Variants in BTBD7 observed in about 807,000 individuals in gnomAD.
BTBD7 encodes the protein BTB domain containing 7, also known as BTB/POZ domain-containing protein 7.
A neutral mutation model predicts 99.9 loss-of-function variants in BTBD7; 38 were observed. The ratio of observed to expected loss-of-function variants is 0.38; its 90% CI spans 0.29 to 0.50. The LOEUF (loss-of-function observed/expected upper bound fraction) is 0.50, where lower values mean the gene tolerates loss of function less well. BTBD7 is among the 20% of genes least tolerant of loss of function. The pLI is 0.93. For synonymous variants in BTBD7, 520 were observed against 511.4 expected, an observed-to-expected ratio of 1.02 and a Z score of -0.23; for missense variants, 1,170 against 1,394.6, an observed-to-expected ratio of 0.84 and a Z score of 2.57.
rs548220721 is a variant in BTBD7 at position 93,257,018 on chromosome 14, G to C, written c.1608+177C>G. On this transcript the variant is annotated intron_variant, in intron 6 of 10. Transcript: ENST00000334746. Reference sequence around the variant, plus strand: ...CTCTCATTCACTGAACATTTTAACTGTATTATGTGGAAGACACAGGAGATA... The same window carrying C: ...CTCTCATTCACTGAACATTTTAACTCTATTATGTGGAAGACACAGGAGATA... 1.2e-4 allele frequency: 76 copies of C among 614,124 alleles called. No individual in the cohort carries two copies. In the South Asian group the frequency reaches 1.9e-3, roughly 15 times the overall value. The allele number at this position is 614,124 out of a possible 1,614,324, so 38.0% of individuals were successfully genotyped here.
intron 3 of BTBD7, chr14:93,288,365 C>A (rs886666161): frequency 1.6e-6 from 1 of 612,032 alleles, no homozygotes; most frequent in Non-Finnish European, 2.9e-6. Flanking sequence ...TCTAGATTTC[C>A]TCAACTGTAC....
intron 3 of BTBD7, among the ~76,000 whole-genome samples, chr14:93,275,017 G>T (rs1455885109): frequency 6.6e-6 from 1 of 152,180 alleles, no homozygotes; most frequent in African/African-American, 2.4e-5. Context: ...GGTAGAAAAA[G>T]AAGTAGGCAA....
chr14:93,249,168 G>A (rs2052344625), intron 8 of BTBD7, among the ~76,000 whole-genome samples: 1 of 151,488 alleles, frequency 6.6e-6, no homozygotes, highest in Admixed American at 6.6e-5. Context: ...GGACACTGAG[G>A]GACTGGAAGG....
intron 3 of BTBD7, among the ~76,000 whole-genome samples, chr14:93,279,446 G>A (rs2052692784): frequency 6.6e-6 from 1 of 152,142 alleles, no homozygotes; most frequent in Non-Finnish European, 1.5e-5. Flanking sequence ...CCATATTGGG[G>A]TCTGGGGCTT....
intron 1 of BTBD7, among the ~76,000 whole-genome samples, chr14:93,317,592 A>T (rs2053222344): frequency 6.6e-6 from 1 of 152,224 alleles, no homozygotes; most frequent in African/African-American, 2.4e-5. Flanking sequence ...TTACTTATTT[A>T]AATTTTGAAT....
intron 1 of BTBD7, among the ~76,000 whole-genome samples, chr14:93,329,955 T>C (rs10129913): frequency 0.17 from 26,483 of 152,136 alleles, 2,402 homozygotes; most frequent in Admixed American, 0.22. Context: ...AGATGGTAAA[T>C]TGTATGTGGA....
At chr14:93,253,042 T>A (rs2098854688) in intron 7 of BTBD7, among the ~76,000 whole-genome samples, 1 of 152,218 alleles carries the variant, frequency 6.6e-6, no homozygotes, top group Admixed American at 6.5e-5. Context: ...TTGCCCAGGA[T>A]GGACCCCGGA....
At chr14:93,261,277 T>C (rs2052487028) in intron 5 of BTBD7, among the ~76,000 whole-genome samples, 1 of 152,250 alleles carries the variant, frequency 6.6e-6, no homozygotes, top group Non-Finnish European at 1.5e-5. Context: ...TCATCAACAT[T>C]ATGCTTTTGT....
chr14:93,270,100 AT>A (rs972161656), intron 3 of BTBD7, among the ~76,000 whole-genome samples: 2 of 152,088 alleles, frequency 1.3e-5, no homozygotes, highest in Admixed American at 6.6e-5. Flanking sequence ...AAAAGCTTTT[AT>A]TTTTATTTTT....
At chr14:93,252,184 C>T (rs2052375965) in intron 7 of BTBD7, among the ~76,000 whole-genome samples, 1 of 151,882 alleles carries the variant, frequency 6.6e-6, no homozygotes, top group Non-Finnish European at 1.5e-5. Flanking sequence ...GTGGCGGGTG[C>T]CTATCATCCC....
chr14:93,306,674 T>C (rs2139795197), intron 1 of BTBD7, among the ~76,000 whole-genome samples: 1 of 152,322 alleles, frequency 6.6e-6, no homozygotes, highest in Admixed American at 6.5e-5. Flanking sequence ...TCTTAAGAAG[T>C]AATGGTGCTT....
chr14:93,283,170 T>C (rs765830806), intron 3 of BTBD7, among the ~76,000 whole-genome samples: 2 of 151,904 alleles, frequency 1.3e-5, no homozygotes, highest in Non-Finnish European at 2.9e-5. Context: ...CTCTGCCTCC[T>C]GGGCTCAAGC....
At position 93,263,790 on chromosome 14, in the gene BTBD7, G is replaced by T; in HGVS notation, c.1366C>A (p.Leu456Ile). ...HLLTAIQSDY[L>I]QASEQDILKY... is the part of the protein sequence containing the mutation. ...AGAGGTGTTTAAATGATTACCTGTAGGTAGTCAGACTGGATAGCAGTAAGC... is the reference window on the plus strand; with the variant it reads ...AGAGGTGTTTAAATGATTACCTGTATGTAGTCAGACTGGATAGCAGTAAGC... Residue 456 changes from leucine to isoleucine, a missense_variant, in exon 4 of 11, where the codon CTA becomes ATA. By Grantham distance (5) the Leu-to-Ile change is conservative. Around this residue, in one of 4 missense-constraint regions of BTBD7, gnomAD observed 309 missense variants for 342.0 expected, o/e 0.90. Transcript: ENST00000334746. 3 of 1,613,300 alleles carry T rather than the reference G, an allele frequency of 1.9e-6. No individual in the cohort carries two copies. In the East Asian group the frequency reaches 6.7e-5, roughly 36 times the overall value.
intron 3 of BTBD7, among the ~76,000 whole-genome samples, chr14:93,268,689 C>G (rs945935104): frequency 1.3e-5 from 2 of 151,386 alleles, no homozygotes; most frequent in Non-Finnish European, 2.9e-5. Context: ...CAAGTCCTAC[C>G]TAAACATATC....
intron 6 of BTBD7, among the ~76,000 whole-genome samples, 154 bp from the exon 7 acceptor site, chr14:93,253,944 A>ATT (rs765948244): frequency 2.0e-5 from 3 of 146,950 alleles, no homozygotes; most frequent in Admixed American, 6.8e-5. Flanking sequence ...AATACCTCAA[A>ATT]TTTTTTTTTT....
rs117553237 is a variant in BTBD7, at chr14:93,244,309, T to C, written c.2584-1221A>G. On this transcript the variant is annotated intron_variant, in intron 10 of 10. Coordinates refer to ENST00000334746, the MANE Select transcript of BTBD7 (RefSeq NM_001002860.4). ...AGAAGATAAGAAGAGAAAGGGACAA[T>C]TGATCCAGTTGTAAGCATCATCTTT... 484 of 240,222 alleles carry C rather than the reference T, an allele frequency of 2.0e-3. 6 individuals carry two copies. In the East Asian group the frequency reaches 0.022, roughly 11 times the overall value. 14.9% of individuals were successfully genotyped at this position (240,222 alleles called of 1,614,324 possible).
intron 8 of BTBD7, 107 bp downstream of exon 8, chr14:93,251,356 T>C (rs976658926): frequency 2.3e-5 from 28 of 1,197,578 alleles, no homozygotes; most frequent in East Asian, 1.5e-4. Flanking sequence ...ATAAAAAGTA[T>C]TGAAATGTGG....
At chr14:93,294,980 C>T (rs1400365117) in intron 2 of BTBD7, 43 bp from the exon 3 acceptor site, 1 of 1,475,504 alleles carries the variant, frequency 6.8e-7, no homozygotes, top group Non-Finnish European at 9.0e-7. Flanking sequence ...TTTTTCTTAA[C>T]ATTCATTTTC....
Position 93,242,792 on chromosome 14 carries a change from G to A in BTBD7, c.2880C>T (p.Leu960=), listed in dbSNP as rs769633347. The change falls in exon 11 of 11, where the codon CTC becomes CTT. Residue 960 remains leucine (L), a synonymous_variant. Coordinates refer to ENST00000334746, the MANE Select transcript of BTBD7 (RefSeq NM_001002860.4). ...GCGAAGGGGAAGGGGTGCGTCTGCTGAGAGCAGGAGTAGAAGGTCTGCAAG... is the reference window on the plus strand; with the variant it reads ...GCGAAGGGGAAGGGGTGCGTCTGCTAAGAGCAGGAGTAGAAGGTCTGCAAG... The part of the protein sequence containing the change: ...NAACRPSTPA[L]SRRTPSPSQG... 1 of 1,614,224 alleles carries A rather than the reference G, an allele frequency of 6.2e-7. No individual in the cohort carries two copies. The highest frequency in any genetic ancestry group is 8.5e-7 in the Non-Finnish European group (1 of 1,180,050).
Sources: gnomAD v4.1 joint callset for allele counts (sites outside exome capture counted in the v4.1 genomes callset) on GRCh38, gnomAD v4.1.1 for gene constraint, gnomAD v4.1.1 regional missense constraint, MANE v1.5 for transcripts, NCBI Gene and HGNC (gene_info 2026-07-23, HGNC 2026-07-21) for gene names.